Variants in PTPRG observed in about 807,000 individuals in gnomAD.
PTPRG encodes the protein receptor-type tyrosine-protein phosphatase gamma.
PTPRG carries 102 observed loss-of-function variants against 165.3 expected under a neutral mutation model. The observed-to-expected ratio is 0.62, with a 90% CI of 0.53 to 0.73. PTPRG has a LOEUF of 0.73. Ranked by LOEUF, PTPRG falls within the 30% of genes least tolerant of loss-of-function variation. The probability of loss-of-function intolerance (pLI) is 0.00; values close to 1 mark genes in which losing one functional copy is unlikely to be tolerated. For missense variants in PTPRG, 1,866 were observed against 1,861.4 expected (o/e 1.00, Z -0.05); for synonymous variants, 675 against 669.5 (o/e 1.01, Z -0.13).
chr3:62,005,781 C>T (rs2041284103), intron 4 of PTPRG, among the ~76,000 whole-genome samples: 1 of 128,352 alleles, frequency 7.8e-6, no homozygotes, highest in Admixed American at 9.6e-5. Flanking sequence ...CAGCTCACTG[C>T]AATCTCCGCC....
rs116664692 is a variant in PTPRG at position 62,285,670 on chromosome 3, A to G, written c.4055+2801A>G. On this transcript the variant is annotated intron_variant, in intron 28 of 29. Coordinates refer to ENST00000474889, the MANE Select transcript of PTPRG (RefSeq NM_002841.4). The stretch of plus-strand genomic sequence containing the variant: ...CAAACTGCTTCATTCTCAGCATTCT[A>G]TTGTCAACTGTTCAAGATTATTCTG... 6.3e-3 allele frequency among the ~76,000 whole-genome samples: 965 copies of G among 152,178 alleles called. 2 individuals carry two copies. Among genetic ancestry groups the G allele is most frequent in the Non-Finnish European group, 0.01 (705 of 68,000 alleles).
intron 28 of PTPRG, among the ~76,000 whole-genome samples, chr3:62,284,502 A>AATTGATTAT (rs1702564250): frequency 6.6e-6 from 1 of 152,166 alleles, no homozygotes; most frequent in Non-Finnish European, 1.5e-5. Flanking sequence ...TCATTTATCT[A>AATTGATTAT]CTATCTGTAG....
At chr3:62,216,747 TAAA>T (rs1700520473) in intron 12 of PTPRG, among the ~76,000 whole-genome samples, 2 of 152,208 alleles carry the variant, frequency 1.3e-5, no homozygotes, top group African/African-American at 2.4e-5. Context: ...CTCTTACGAC[TAAA>T]TTCAGTTTCT....
intron 2 of PTPRG, among the ~76,000 whole-genome samples, chr3:61,810,020 A>C (rs1016835785): frequency 6.6e-6 from 1 of 152,112 alleles, no homozygotes; most frequent in African/African-American, 2.4e-5. Context: ...GGGCTGGGAA[A>C]CTGTTTAGCC....
chr3:61,921,554 C>T lies in PTPRG; in HGVS notation c.191-68071C>T, dbSNP rs1356466999. On this transcript the variant is annotated intron_variant, in intron 2 of 29. Coordinates refer to ENST00000474889, the MANE Select transcript of PTPRG (RefSeq NM_002841.4). The stretch of plus-strand genomic sequence containing the variant: ...CATGTGACGAGTTGCATTCAAAATA[C>T]AGTCACAACTTTGTTTCAGGCACAA... Among the ~76,000 whole-genome samples the T allele has an allele frequency of 6.6e-5, 10 of 152,242 alleles. No individual in the cohort carries two copies. The East Asian group carries it at 1.9e-3, about 29-fold the overall frequency.
chr3:61,845,164 C>T (rs1279575711), intron 2 of PTPRG, among the ~76,000 whole-genome samples: 1 of 152,106 alleles, frequency 6.6e-6, no homozygotes. Context: ...TCATGTTCTT[C>T]TTTTGTGTTT....
In PTPRG at chr3:61,738,274, A is replaced by G. The variant is rs1219882070; in HGVS notation, c.86-10604A>G. The stretch of plus-strand genomic sequence containing the variant: ...TGTCCATTTTTATATATATATATAT[A>G]TATACATATATATATATATATATAT... On this transcript the variant is annotated intron_variant, in intron 1 of 29. Coordinates refer to ENST00000474889, the MANE Select transcript of PTPRG (RefSeq NM_002841.4). 1.2e-4 allele frequency among the ~76,000 whole-genome samples: 8 copies of G among 68,350 alleles called. 2 individuals are homozygous for G. The highest frequency in any genetic ancestry group is 1.7e-4 in the Non-Finnish European group (6 of 34,882). The allele number at this position is 68,350 out of a possible 152,430, so 44.8% of individuals were successfully genotyped here.
At chr3:62,102,448 T>G (rs1243818819) in intron 5 of PTPRG, among the ~76,000 whole-genome samples, 1 of 152,096 alleles carries the variant, frequency 6.6e-6, no homozygotes, top group Non-Finnish European at 1.5e-5. Context: ...GATTTTTGTA[T>G]TTTTAGTAGA....
In PTPRG at chr3:62,295,293, G is replaced by T. The variant is rs144655338; in HGVS notation, c.*1986G>T. On this transcript the variant is annotated 3_prime_UTR_variant, in exon 30 of 30. Coordinates refer to ENST00000474889, the MANE Select transcript of PTPRG (RefSeq NM_002841.4). The stretch of plus-strand genomic sequence containing the variant: ...ACTGCCAGATGCTGAGGAGAATCAG[G>T]AAAGCAATGAGCTAGACTCTTTTTT... The T allele has an allele frequency of 6.6e-6, 1 of 152,264 alleles. No individual in the cohort carries two copies. Among genetic ancestry groups the T allele is most frequent in the East Asian group, 1.9e-4 (1 of 5,186 alleles). The allele number at this position is 152,264 out of a possible 1,614,324, so 9.4% of individuals were successfully genotyped here.
intron 4 of PTPRG, among the ~76,000 whole-genome samples, chr3:62,026,269 T>C (rs935463680): frequency 1.3e-5 from 2 of 152,226 alleles, no homozygotes; most frequent in African/African-American, 2.4e-5. Flanking sequence ...TCTTAGAAAC[T>C]TCATGCTGAA....
intron 2 of PTPRG, among the ~76,000 whole-genome samples, chr3:61,969,960 A>G (rs2040348069): frequency 6.6e-6 from 1 of 152,216 alleles, no homozygotes. Context: ...TTAGATTAAT[A>G]CGTTTCAAAA....
chr3:61,930,402 A>C (rs2039329142), intron 2 of PTPRG, among the ~76,000 whole-genome samples: 1 of 152,186 alleles, frequency 6.6e-6, no homozygotes. Flanking sequence ...TGGAGGTCAG[A>C]GTTCCGTCTC....
chr3:62,127,438 G>GT (rs1001452822), intron 5 of PTPRG, among the ~76,000 whole-genome samples: 9 of 152,202 alleles, frequency 5.9e-5, no homozygotes, highest in African/African-American at 1.4e-4. Context: ...TGAATACACA[G>GT]TTACCTGCTA....
chr3:61,754,865 G>T (rs998992592), intron 2 of PTPRG, among the ~76,000 whole-genome samples: 4 of 152,162 alleles, frequency 2.6e-5, no homozygotes, highest in Non-Finnish European at 4.4e-5. Flanking sequence ...AGGCACTGTA[G>T]GACCTCAAAT....
intron 2 of PTPRG, among the ~76,000 whole-genome samples, chr3:61,859,414 C>T (rs1041154598): frequency 7.2e-5 from 11 of 151,984 alleles, no homozygotes; most frequent in Non-Finnish European, 1.6e-4. Flanking sequence ...TTTGAATTAC[C>T]CTTTATCTAA....
chr3:61,597,460 G>T (rs12715571), intron 1 of PTPRG, among the ~76,000 whole-genome samples: 36,088 of 152,008 alleles, frequency 0.24, 4,642 homozygotes, highest in African/African-American at 0.34. Flanking sequence ...CATATTTGAT[G>T]GAAATAAATG....
intron 2 of PTPRG, among the ~76,000 whole-genome samples, chr3:61,980,989 A>AT (rs1475160414): frequency 6.6e-6 from 1 of 152,190 alleles, no homozygotes; most frequent in African/African-American, 2.4e-5. Flanking sequence ...GTCCGTTCTC[A>AT]TGCTGCTGTG....
chr3:61,773,405 G>T (rs2034271413), intron 2 of PTPRG, among the ~76,000 whole-genome samples: 1 of 152,184 alleles, frequency 6.6e-6, no homozygotes, highest in African/African-American at 2.4e-5. Context: ...AATAATAAAA[G>T]ATTCCAATTT....
chr3:61,567,752 G>A (rs567780655), intron 1 of PTPRG, among the ~76,000 whole-genome samples: 7 of 151,546 alleles, frequency 4.6e-5, no homozygotes, highest in Non-Finnish European at 7.4e-5. Flanking sequence ...GGAGACCCAG[G>A]TGGGCAGATT....
Sources: allele counts gnomAD v4.1 joint callset (sites outside exome capture counted in the v4.1 genomes callset), GRCh38; gene constraint gnomAD v4.1.1; transcripts MANE v1.5; gene names NCBI Gene and HGNC (gene_info 2026-07-23, HGNC 2026-07-21).